TEX11: variants seen among roughly 807,000 people sequenced by gnomAD.
The protein encoded by TEX11 is testis expressed 11.
Under a neutral mutation model 84.4 loss-of-function variants are expected in TEX11, and 7 were observed. That is an observed-to-expected ratio of 0.08 (90% CI 0.05 to 0.16). The LOEUF is 0.16. Ranked by LOEUF, TEX11 falls within the 10% of genes least tolerant of loss-of-function variation. The probability of loss-of-function intolerance (pLI) is 1.00; values close to 1 mark genes in which losing one functional copy is unlikely to be tolerated. For missense variants in TEX11, 551 were observed against 660.5 expected (o/e 0.83, Z 1.82); for synonymous variants, 264 against 222.8 (o/e 1.18, Z -1.64).
At chrX:70,838,111 A>T (rs2091416106) in intron 7 of TEX11, among the ~76,000 whole-genome samples, 1 of 112,252 alleles carries the variant, frequency 8.9e-6, no homozygotes, top group African/African-American at 3.2e-5. Flanking sequence ...TCAAAATTTT[A>T]AAAAATTTTT....
intron 28 of TEX11, among the ~76,000 whole-genome samples, chrX:70,537,493 G>C (rs997337189): frequency 9.5e-6 from 1 of 104,923 alleles, no homozygotes; most frequent in African/African-American, 3.5e-5. Context: ...CAAAAGAAGA[G>C]AGAAAGAGAG....
intron 9 of TEX11, among the ~76,000 whole-genome samples, chrX:70,801,625 TTTTC>T (rs200925505): frequency 0.072 from 6,400 of 88,548 alleles, 253 homozygotes; most frequent in African/African-American, 0.084. Flanking sequence ...TTTTCTTTTA[TTTTC>T]TTTCTTTCTT....
At chrX:70,868,693 A>T (rs1046680382) in intron 4 of TEX11, among the ~76,000 whole-genome samples, 1 of 111,829 alleles carries the variant, frequency 8.9e-6, no homozygotes, top group Non-Finnish European at 1.9e-5. Flanking sequence ...AATACTATGC[A>T]GACATACAAA....
chrX:70,531,976 G>A (rs992947139), intron 28 of TEX11, among the ~76,000 whole-genome samples: 7 of 111,514 alleles, frequency 6.3e-5, no homozygotes, highest in Middle Eastern at 4.6e-3. Context: ...AGGAGTTAAC[G>A]GGAAATAAGA....
chrX:70,600,422 A>G (rs1603125025), intron 24 of TEX11, among the ~76,000 whole-genome samples: 3 of 111,072 alleles, frequency 2.7e-5, no homozygotes, highest in Admixed American at 9.6e-5. Context: ...ATAATGGGAG[A>G]CTTTAACTTC....
intron 9 of TEX11, among the ~76,000 whole-genome samples, chrX:70,747,595 G>GT (rs2147752557): frequency 9.0e-6 from 1 of 111,470 alleles, no homozygotes; most frequent in South Asian, 3.8e-4. Flanking sequence ...CCTTTGAGGA[G>GT]GCCCCAATGT....
chrX:70,902,815 T>C (rs770130692), intron 2 of TEX11, among the ~76,000 whole-genome samples: 2 of 112,307 alleles, frequency 1.8e-5, no homozygotes, highest in Non-Finnish European at 3.8e-5. Flanking sequence ...ACAAACTTTT[T>C]AATTATTTTT....
chrX:70,526,522 T>C (rs1334718020), downstream of TEX11, among the ~76,000 whole-genome samples: 1 of 104,912 alleles, frequency 9.5e-6, no homozygotes, highest in African/African-American at 3.5e-5. Flanking sequence ...TGTGCCGAGA[T>C]AGTGCCATTG....
chrX:70,570,368 C>CA lies in TEX11; in HGVS notation c.2141-15569dup, dbSNP rs779012701. On this transcript the variant is annotated intron_variant, in intron 25 of 29. Transcript: ENST00000374333. ...GAAACCTTGCACTTCCCAAGTGACG[C>CA]AATGCCTCGCCCTGCTTCAGCTCAC... 8.9e-5 allele frequency among the ~76,000 whole-genome samples: 10 copies of CA among 112,385 alleles called. No individual in the cohort carries two copies. The South Asian group carries it at 3.7e-3, about 41-fold the overall frequency.
At chrX:70,876,013 CA>C (rs1273250971) in intron 3 of TEX11, among the ~76,000 whole-genome samples, 1 of 111,389 alleles carries the variant, frequency 9.0e-6, no homozygotes, top group Non-Finnish European at 1.9e-5. Context: ...AAAATGCACC[CA>C]AAAAATAAGA....
chrX:70,606,973 T>C lies in TEX11; in HGVS notation c.1936A>G (p.Ile646Val), dbSNP rs895868663. 4.2e-6 allele frequency: 5 copies of C among 1,193,210 alleles called. No individual in the cohort carries two copies. Among genetic ancestry groups the C allele is most frequent in the Non-Finnish European group, 5.6e-6 (5 of 886,828 alleles). Residue 646 changes from isoleucine (I) to valine (V), a missense_variant, in exon 23 of 30, where the codon ATA becomes GTA. Transcript: ENST00000374333. ...AAGAAACTTACCTTATAAGAAAGTA[T>C]AAAAAACTCTCTCATCATCACTGGA... ...KDPVMMREFF[I>V]LSYKMSQFCP... is the part of the protein sequence containing the mutation.
At chrX:70,575,437 G>C (rs1323650337) in intron 25 of TEX11, among the ~76,000 whole-genome samples, 5 of 111,807 alleles carry the variant, frequency 4.5e-5, no homozygotes, top group Non-Finnish European at 9.4e-5. Context: ...CTCATGAACA[G>C]GGTTACAGAT....
chrX:70,754,767 G>C (rs1037116243), intron 9 of TEX11, among the ~76,000 whole-genome samples: 2 of 110,752 alleles, frequency 1.8e-5, no homozygotes, highest in South Asian at 8.7e-4. Context: ...GAGAGAAAGA[G>C]AGAAAGAGAG....
intron 2 of TEX11, among the ~76,000 whole-genome samples, chrX:70,891,652 A>C (rs1602215664): frequency 9.0e-6 from 1 of 111,200 alleles, no homozygotes; most frequent in Non-Finnish European, 1.9e-5. Flanking sequence ...GATCAAATTA[A>C]TGAAATAAAG....
In TEX11 at chrX:70,892,200, T is replaced by G. The variant is rs1395596490; in HGVS notation, c.38-12091A>C. Among the ~76,000 whole-genome samples, 3 of 111,493 alleles carry G rather than the reference T, an allele frequency of 2.7e-5. No homozygotes were observed. The South Asian group carries it at 1.1e-3, about 42-fold the overall frequency. Reference sequence around the variant, plus strand: ...AAATCCTTTCCAGACAAGCAAATGCTGAGGGATTTTGTCACCACCGGGCCT... The same window carrying G: ...AAATCCTTTCCAGACAAGCAAATGCGGAGGGATTTTGTCACCACCGGGCCT... On this transcript the variant is annotated intron_variant, in intron 2 of 29. Transcript: ENST00000374333.
intron 13 of TEX11, among the ~76,000 whole-genome samples, chrX:70,717,639 G>C (rs767542305): frequency 9.0e-6 from 1 of 111,249 alleles, no homozygotes. Context: ...CTTTCTAACA[G>C]TTAATGTTCT....
chrX:70,641,817 G>A (rs1321533887), intron 17 of TEX11, among the ~76,000 whole-genome samples: 1 of 110,404 alleles, frequency 9.1e-6, no homozygotes, highest in Non-Finnish European at 1.9e-5. Flanking sequence ...GAGAAAGCAG[G>A]AAAGATCCAA....
At chrX:70,620,456 T>A (rs971153255) in intron 20 of TEX11, among the ~76,000 whole-genome samples, 14 of 111,814 alleles carry the variant, frequency 1.3e-4, no homozygotes, top group Admixed American at 7.6e-4. Context: ...CAACACCAAA[T>A]GCTGGTGAGG....
chrX:70,579,521 A>AC lies in TEX11; in HGVS notation c.2140+12229_2140+12230insG, dbSNP rs1569338310. 7.7e-4 allele frequency among the ~76,000 whole-genome samples: 9 copies of AC among 11,620 alleles called. 1 individual carries two copies. The highest frequency in any genetic ancestry group is 2.8e-3 in the Admixed American group (2 of 704). 10.1% of individuals were successfully genotyped at this position (11,620 alleles called of 115,157 possible). On this transcript the variant is annotated intron_variant, in intron 25 of 29. Transcript: ENST00000374333. ...CAAAAACAAAAAAACAAAAAAAACA[A>AC]AAAAAAAAAAAAACAAAAAAGAAAC...
Sources: allele counts gnomAD v4.1 joint callset (sites outside exome capture counted in the v4.1 genomes callset), GRCh38; gene constraint gnomAD v4.1.1; transcripts MANE v1.5; gene names NCBI Gene and HGNC (gene_info 2026-07-23, HGNC 2026-07-21).